LINGO2: variants seen among roughly 807,000 people sequenced by gnomAD.
LINGO2 encodes the protein leucine rich repeat and Ig domain containing 2, also known as leucine-rich repeat and immunoglobulin-like domain-containing nogo receptor-interacting protein 2.
A neutral mutation model predicts 30.6 loss-of-function variants in LINGO2; 14 were observed. The ratio of observed to expected loss-of-function variants is 0.46; its 90% CI spans 0.30 to 0.72. The LOEUF (loss-of-function observed/expected upper bound fraction) is 0.72. LINGO2 is among the 30% of genes least tolerant of loss of function. LINGO2 has a pLI of 0.07. For missense variants in LINGO2, 729 were observed against 751.7 expected, an observed-to-expected ratio of 0.97 and a Z score of 0.35; for synonymous variants, 317 against 288.5, an observed-to-expected ratio of 1.10 and a Z score of -1.00.
At chr9:28,510,458 A>G (rs1247983215) in intron 1 of LINGO2, among the ~76,000 whole-genome samples, 1 of 152,162 alleles carries the variant, frequency 6.6e-6, no homozygotes, top group Non-Finnish European at 1.5e-5. Context: ...AAAATGAATG[A>G]TGATAAAGGT....
At chr9:29,166,669 T>C in the LINGO2 span, among the ~76,000 whole-genome samples, 1 of 152,162 alleles carries the variant, frequency 6.6e-6, no homozygotes, top group East Asian at 1.9e-4. Context: ...CAATCTGGAA[T>C]TTCCAGTCCA....
intron 4 of LINGO2, among the ~76,000 whole-genome samples, chr9:28,143,295 C>G (rs1227405434): frequency 6.6e-6 from 1 of 152,110 alleles, no homozygotes; most frequent in Non-Finnish European, 1.5e-5. Flanking sequence ...TCAAAGAAAG[C>G]ACAAATGGTA....
the LINGO2 span, among the ~76,000 whole-genome samples, chr9:29,100,728 T>G: frequency 3.9e-4 from 59 of 152,322 alleles, no homozygotes; most frequent in African/African-American, 1.3e-3. Context: ...ATATTTTGAT[T>G]GTTTAAAACA....
intron 1 of LINGO2, among the ~76,000 whole-genome samples, chr9:28,512,609 A>G (rs61534502): frequency 0.034 from 120 of 3,526 alleles, 6 homozygotes; most frequent in Admixed American, 0.31. Flanking sequence ...ATATATATAT[A>G]TATATATATA....
At chr9:28,838,419 G>C in the LINGO2 span, among the ~76,000 whole-genome samples, 3 of 151,898 alleles carry the variant, frequency 2.0e-5, no homozygotes, top group African/African-American at 7.3e-5. Flanking sequence ...AAATTTCTCA[G>C]TTTTAACTTT....
intron 3 of LINGO2, among the ~76,000 whole-genome samples, chr9:28,307,066 C>T (rs1004279691): frequency 2.0e-5 from 3 of 152,020 alleles, no homozygotes; most frequent in Admixed American, 2.0e-4. Context: ...GGAATCCTCC[C>T]TAACTCATTT....
chr9:28,398,829 A>T (rs1822152261), intron 2 of LINGO2, among the ~76,000 whole-genome samples: 1 of 152,132 alleles, frequency 6.6e-6, no homozygotes, highest in African/African-American at 2.4e-5. Flanking sequence ...TGGCATGCAA[A>T]TGGTGTCTAG....
chr9:29,020,221 T>C, the LINGO2 span, among the ~76,000 whole-genome samples: 4 of 152,148 alleles, frequency 2.6e-5, no homozygotes, highest in Middle Eastern at 3.2e-3. Flanking sequence ...GGCAAAGAAA[T>C]GTAGTATGGA....
the LINGO2 span, among the ~76,000 whole-genome samples, chr9:28,989,690 G>C: frequency 1.3e-5 from 2 of 152,200 alleles, no homozygotes; most frequent in East Asian, 3.9e-4. Context: ...TTATTACAAA[G>C]AATACAAAAT....
chr9:28,611,748 A>ATG (rs928289837), intron 1 of LINGO2, among the ~76,000 whole-genome samples: 2 of 151,582 alleles, frequency 1.3e-5, no homozygotes, highest in East Asian at 2.0e-4. Flanking sequence ...TTCATTGCAT[A>ATG]TGTGTGTGTG....
chr9:28,120,662 T>C (rs1466707085), intron 4 of LINGO2, among the ~76,000 whole-genome samples: 1 of 152,332 alleles, frequency 6.6e-6, no homozygotes, highest in African/African-American at 2.4e-5. Context: ...TGGTAATTAT[T>C]ATTCACAGAA....
At chr9:28,432,952 G>A (rs1041428011) in intron 2 of LINGO2, among the ~76,000 whole-genome samples, 1 of 151,968 alleles carries the variant, frequency 6.6e-6, no homozygotes, top group African/African-American at 2.4e-5. Flanking sequence ...TCTGGAGAGA[G>A]TAGAAATGAG....
the LINGO2 span, among the ~76,000 whole-genome samples, chr9:28,778,865 A>T: frequency 6.6e-6 from 1 of 152,190 alleles, no homozygotes; most frequent in Non-Finnish European, 1.5e-5. Flanking sequence ...GTTACATTTA[A>T]AAACAGCAAA....
chr9:27,991,648 T>A (rs757792486), intron 5 of LINGO2, among the ~76,000 whole-genome samples: 28 of 152,112 alleles, frequency 1.8e-4, no homozygotes, highest in Middle Eastern at 3.4e-3. Flanking sequence ...AGTAAAACAT[T>A]GATCATGCAA....
chr9:28,645,393 T>C (rs1455069499), intron 1 of LINGO2, among the ~76,000 whole-genome samples: 3 of 152,106 alleles, frequency 2.0e-5, no homozygotes, highest in Non-Finnish European at 4.4e-5. Context: ...GTCAATCCCA[T>C]GGTATTTAAA....
At chr9:28,336,259 T>C (rs748288003) in intron 3 of LINGO2, among the ~76,000 whole-genome samples, 2 of 152,104 alleles carry the variant, frequency 1.3e-5, no homozygotes, top group Non-Finnish European at 2.9e-5. Context: ...TATTTTCCAA[T>C]TGGATTATAT....
chr9:28,640,522 T>G (rs1343580828), intron 1 of LINGO2, among the ~76,000 whole-genome samples: 1 of 151,720 alleles, frequency 6.6e-6, no homozygotes, highest in Non-Finnish European at 1.5e-5. Flanking sequence ...GTTCTTTTTT[T>G]TTTTTTTAAT....
the LINGO2 span, among the ~76,000 whole-genome samples, chr9:28,812,790 A>T: frequency 6.6e-6 from 1 of 152,264 alleles, no homozygotes; most frequent in East Asian, 1.9e-4. Flanking sequence ...AATAGCTGAG[A>T]TCCCAACTCT....
the LINGO2 span, among the ~76,000 whole-genome samples, chr9:28,901,960 CAGG>C: frequency 1.5e-4 from 23 of 152,006 alleles, no homozygotes; most frequent in Non-Finnish European, 4.4e-5. Context: ...GAGGCCAAAG[CAGG>C]AGGATCACTT....
Sources: allele counts gnomAD v4.1 joint callset (sites outside exome capture counted in the v4.1 genomes callset), GRCh38; gene constraint gnomAD v4.1.1; transcripts MANE v1.5; gene names NCBI Gene and HGNC (gene_info 2026-07-23, HGNC 2026-07-21).